The following SLC35F1 variants were observed in gnomAD, a reference collection of about 807,000 sequenced individuals.
The protein encoded by SLC35F1 is chromosome 6 open reading frame 169.
In SLC35F1, 14 loss-of-function variants were observed where a neutral mutation model predicts 48.7. That is an observed-to-expected ratio of 0.29 (90% confidence interval 0.19 to 0.45). SLC35F1 has a LOEUF of 0.45. SLC35F1 is among the 20% of genes least tolerant of loss of function. SLC35F1 has a pLI of 1.00. For synonymous variants in SLC35F1, 190 were observed against 202.2 expected, an observed-to-expected ratio of 0.94 and a Z score of 0.51; for missense variants, 404 against 500.0, an observed-to-expected ratio of 0.81 and a Z score of 1.83.
chr6:118,248,240 A>G (rs998095937), intron 3 of SLC35F1, among the ~76,000 whole-genome samples: 1 of 152,298 alleles, frequency 6.6e-6, no homozygotes, highest in African/African-American at 2.4e-5. Flanking sequence ...ACTTTCCATT[A>G]TTTTCAAGGC....
chr6:118,214,282 G>C (rs1775043914), intron 2 of SLC35F1, among the ~76,000 whole-genome samples: 1 of 152,116 alleles, frequency 6.6e-6, no homozygotes, highest in South Asian at 2.1e-4. Flanking sequence ...ATGCCTCATT[G>C]TGGTGATATT....
intron 7 of SLC35F1, among the ~76,000 whole-genome samples, chr6:118,286,805 T>TGTTTGTG (rs1562351393): frequency 0.026 from 3,733 of 144,010 alleles, 157 homozygotes; most frequent in African/African-American, 0.092. Flanking sequence ...GTGTGTGTGT[T>TGTTTGTG]TGTGTGTGTG....
intron 1 of SLC35F1, among the ~76,000 whole-genome samples, chr6:118,140,515 A>G (rs1483704569): frequency 1.3e-5 from 2 of 152,136 alleles, no homozygotes; most frequent in Non-Finnish European, 2.9e-5. Context: ...ATAATTACGT[A>G]TTATAATACT....
intron 1 of SLC35F1, among the ~76,000 whole-genome samples, chr6:118,035,928 A>G (rs191806089): frequency 0.014 from 2,200 of 151,856 alleles, 32 homozygotes; most frequent in Non-Finnish European, 0.023. Context: ...TCCTGACCTC[A>G]TGATCCGCCC....
chr6:118,074,189 G>A (rs908163544), intron 1 of SLC35F1, among the ~76,000 whole-genome samples: 3 of 152,208 alleles, frequency 2.0e-5, no homozygotes, highest in Non-Finnish European at 2.9e-5. Flanking sequence ...TCTAGTCCCT[G>A]AAATGTGCAA....
intron 7 of SLC35F1, among the ~76,000 whole-genome samples, chr6:118,308,797 C>T (rs1368344303): frequency 6.6e-6 from 1 of 152,184 alleles, no homozygotes; most frequent in Non-Finnish European, 1.5e-5. Flanking sequence ...TTCTGTGCAG[C>T]CCCTTATGCA....
chr6:118,262,325 A>G (rs1376175042), intron 3 of SLC35F1, among the ~76,000 whole-genome samples: 1 of 152,124 alleles, frequency 6.6e-6, no homozygotes, highest in African/African-American at 2.4e-5. Context: ...AGGAGAGGGC[A>G]TAACCAAATG....
intron 3 of SLC35F1, among the ~76,000 whole-genome samples, chr6:118,244,924 A>G (rs1252514673): frequency 1.3e-5 from 2 of 152,242 alleles, no homozygotes; most frequent in African/African-American, 2.4e-5. Context: ...AAGGCCAGCT[A>G]TTGGGCAAGG....
intron 1 of SLC35F1, among the ~76,000 whole-genome samples, chr6:118,101,824 T>A (rs1773262342): frequency 6.6e-6 from 1 of 152,222 alleles, no homozygotes; most frequent in Non-Finnish European, 1.5e-5. Context: ...ACATACTGTG[T>A]TTATAATTTA....
At chr6:117,995,278 A>G (rs1260783095) in intron 1 of SLC35F1, among the ~76,000 whole-genome samples, 1 of 152,220 alleles carries the variant, frequency 6.6e-6, no homozygotes, top group Non-Finnish European at 1.5e-5. Flanking sequence ...CCATTAGAAA[A>G]GTAAGTTGGA....
chr6:118,258,599 T>C (rs1036425723), intron 3 of SLC35F1, among the ~76,000 whole-genome samples: 2 of 152,100 alleles, frequency 1.3e-5, no homozygotes, highest in African/African-American at 4.8e-5. Context: ...ATAGCCAAGA[T>C]AATTCTGAAA....
In SLC35F1 at chr6:118,315,433, C is replaced by CTTTTTTTTT. The variant is rs11293041; in HGVS notation, c.*1197_*1205dup. On this transcript the variant is annotated 3_prime_UTR_variant, in exon 8 of 8. Coordinates refer to ENST00000360388, the MANE Select transcript of SLC35F1 (RefSeq NM_001029858.4). ...ATAACAGATATATTGACACGACATTCTTTTTTTTTTTTTTTTTTTTTTTTG... is the reference window on the plus strand; with the variant it reads ...ATAACAGATATATTGACACGACATTCTTTTTTTTTTTTTTTTTTTTTTTTTTTTTTTTTG... 1 of 78,918 alleles carries CTTTTTTTTT rather than the reference C, an allele frequency of 1.3e-5. No individual in the cohort carries two copies. The highest frequency in any genetic ancestry group is 5.0e-5 in the African/African-American group (1 of 19,990). The allele number at this position is 78,918 out of a possible 1,614,324, so 4.9% of individuals were successfully genotyped here.
At chr6:118,203,975 GA>G (rs1482952485) in intron 2 of SLC35F1, among the ~76,000 whole-genome samples, 1 of 151,882 alleles carries the variant, frequency 6.6e-6, no homozygotes, top group Non-Finnish European at 1.5e-5. Flanking sequence ...AAGTTAGCAA[GA>G]AAATTGCTAA....
chr6:118,058,670 T>G (rs1772495133), intron 1 of SLC35F1, among the ~76,000 whole-genome samples: 1 of 152,218 alleles, frequency 6.6e-6, no homozygotes, highest in Non-Finnish European at 1.5e-5. Flanking sequence ...ATATTTTTCT[T>G]TCTAATAAAT....
At chr6:118,260,207 C>G (rs1253739917) in intron 3 of SLC35F1, among the ~76,000 whole-genome samples, 1 of 151,902 alleles carries the variant, frequency 6.6e-6, no homozygotes, top group East Asian at 1.9e-4. Context: ...TCATGTTTGC[C>G]AGGAGCTGTG....
At chr6:118,239,096 C>A (rs1488018769) in intron 3 of SLC35F1, among the ~76,000 whole-genome samples, 1 of 151,438 alleles carries the variant, frequency 6.6e-6, no homozygotes, top group East Asian at 1.9e-4. Context: ...AGGTGCTTTG[C>A]TTTTTAGCTC....
At chr6:118,200,159 T>TAC (rs1774854600) in intron 2 of SLC35F1, among the ~76,000 whole-genome samples, 1 of 147,180 alleles carries the variant, frequency 6.8e-6, no homozygotes, top group African/African-American at 2.6e-5. Context: ...TACATACATA[T>TAC]ATACATACAT....
At chr6:117,938,847 C>T (rs1776192850) in intron 1 of SLC35F1, among the ~76,000 whole-genome samples, 1 of 151,662 alleles carries the variant, frequency 6.6e-6, no homozygotes, top group African/African-American at 2.4e-5. Context: ...CTATCCCCCT[C>T]CCCCGCCCTC....
intron 1 of SLC35F1, among the ~76,000 whole-genome samples, chr6:118,054,037 G>A (rs1290828023): frequency 6.6e-6 from 1 of 152,090 alleles, no homozygotes; most frequent in Non-Finnish European, 1.5e-5. Context: ...TTGTTTTAAA[G>A]TGCATTTCTT....
Sources: allele counts gnomAD v4.1 joint callset (sites outside exome capture counted in the v4.1 genomes callset), GRCh38; gene constraint gnomAD v4.1.1; transcripts MANE v1.5; gene names NCBI Gene and HGNC (gene_info 2026-07-23, HGNC 2026-07-21).